Variants in RFX4 observed in about 807,000 individuals in gnomAD.
RFX4 encodes the protein regulatory factor X4.
Under a neutral mutation model 95.0 loss-of-function variants are expected in RFX4, and 10 were observed. The ratio of observed to expected loss-of-function variants is 0.11; its 90% CI spans 0.06 to 0.18. The LOEUF (loss-of-function observed/expected upper bound fraction) is 0.18, where lower values mean the gene tolerates loss of function less well. RFX4 is among the 10% of genes least tolerant of loss of function. RFX4 has a pLI of 1.00. For synonymous variants in RFX4, 321 were observed against 340.7 expected (o/e 0.94, Z 0.64); for missense variants, 640 against 922.0 (o/e 0.69, Z 3.96).
chr12:106,651,493 C>G (rs771538660), intron 3 of RFX4, among the ~76,000 whole-genome samples: 10 of 151,948 alleles, frequency 6.6e-5, no homozygotes, highest in Non-Finnish European at 1.2e-4. Context: ...TTCTATGAAA[C>G]TTTAATTATC....
At chr12:106,614,351 G>C (rs2040024592) in intron 2 of RFX4, among the ~76,000 whole-genome samples, 1 of 151,782 alleles carries the variant, frequency 6.6e-6, no homozygotes, top group Non-Finnish European at 1.5e-5. Flanking sequence ...AGTAGAGACT[G>C]GGTTTCGGCA....
Position 106,751,442 on chromosome 12 carries a change from G to C in RFX4, c.1935+649G>C, listed in dbSNP as rs926543470. ...AGCAGCATGATTTATAGTCCTTTGG[G>C]TGTATACCCAGTAATGGGATGGCTG... is the stretch of plus-strand genomic sequence containing the variant. On this transcript the variant is annotated intron_variant, in intron 17 of 17. Coordinates refer to ENST00000392842, the MANE Select transcript of RFX4 (RefSeq NM_213594.3). Among the ~76,000 whole-genome samples, 25 of 151,752 alleles carry C rather than the reference G, an allele frequency of 1.6e-4. 1 individual carries two copies. Among genetic ancestry groups the C allele is most frequent in the African/African-American group, 5.8e-4 (24 of 41,350 alleles).
intron 13 of RFX4, among the ~76,000 whole-genome samples, chr12:106,724,841 G>A (rs761454182): frequency 4.6e-5 from 7 of 151,938 alleles, no homozygotes; most frequent in Admixed American, 2.0e-4. Flanking sequence ...GTGAAACCCC[G>A]TCTCTACTAA....
chr12:106,650,971 C>T (rs150281013), intron 3 of RFX4, among the ~76,000 whole-genome samples: 3 of 152,222 alleles, frequency 2.0e-5, no homozygotes, highest in African/African-American at 7.2e-5. Flanking sequence ...TTCTTTCAGT[C>T]CTCCTGAGTA....
chr12:106,608,248 G>A (rs544425428), intron 1 of RFX4, among the ~76,000 whole-genome samples: 1 of 152,268 alleles, frequency 6.6e-6, no homozygotes, highest in Admixed American at 6.5e-5. Flanking sequence ...TTCTTCTCCT[G>A]CTGTGGCTTC....
At chr12:106,637,839 G>A (rs897930967) in intron 2 of RFX4, among the ~76,000 whole-genome samples, 4 of 152,050 alleles carry the variant, frequency 2.6e-5, no homozygotes, top group African/African-American at 9.7e-5. Context: ...GATACTTGTA[G>A]GGCTGCAAGT....
chr12:106,753,638 C>T (rs988258641), intron 17 of RFX4, among the ~76,000 whole-genome samples: 8 of 152,136 alleles, frequency 5.3e-5, no homozygotes, highest in African/African-American at 1.9e-4. Flanking sequence ...CCTTAGATAA[C>T]CCCTGCAGAA....
chr12:106,739,896 T>C (rs1295994268), intron 15 of RFX4, among the ~76,000 whole-genome samples: 1 of 152,194 alleles, frequency 6.6e-6, no homozygotes, highest in Non-Finnish European at 1.5e-5. Context: ...CTTGGGAGCA[T>C]GGCAGGCAGT....
chr12:106,761,440 G>A lies in RFX4; in HGVS notation c.2179G>A (p.Gly727Arg), dbSNP rs1368226798. The part of the protein sequence containing the change: ...QHFPGFAYIN[G>R]EASTGWAK ...CTTTCCTGGCTTTGCTTACATCAAC[G>A]GAGAGGCCTCTACAGGATGGGCTAA... is the stretch of plus-strand genomic sequence containing the variant. The change falls in exon 18 of 18, where the codon GGA (glycine) becomes AGA (arginine). Residue 727 changes from glycine to arginine, a missense_variant. Transcript: ENST00000392842. 1.9e-6 allele frequency: 3 copies of A among 1,613,926 alleles called. No homozygotes were observed. Among genetic ancestry groups the A allele is most frequent in the Non-Finnish European group, 2.5e-6 (3 of 1,179,960 alleles).
At chr12:106,670,703 G>C (rs2041264407) in intron 4 of RFX4, among the ~76,000 whole-genome samples, 1 of 152,092 alleles carries the variant, frequency 6.6e-6, no homozygotes, top group Non-Finnish European at 1.5e-5. Flanking sequence ...TTGTTGAGTA[G>C]GTAAGAGTTA....
intron 8 of RFX4, among the ~76,000 whole-genome samples, chr12:106,705,064 C>G (rs1449528197): frequency 6.6e-6 from 1 of 152,204 alleles, no homozygotes; most frequent in African/African-American, 2.4e-5. Flanking sequence ...TTACTCCTGG[C>G]TCTGCCACTT....
chr12:106,654,441 T>G, intron 4 of RFX4, 90 bp downstream of exon 4: 2 of 1,441,132 alleles, frequency 1.4e-6, no homozygotes, highest in Non-Finnish European at 1.8e-6. Context: ...TTATTTTTTT[T>G]AAGTTATCAA....
intron 4 of RFX4, among the ~76,000 whole-genome samples, chr12:106,665,404 C>T (rs956817146): frequency 1.4e-4 from 22 of 151,956 alleles, no homozygotes; most frequent in African/African-American, 4.8e-4. Flanking sequence ...TTCTTATAGA[C>T]AACATATAGT....
At chr12:106,754,572 T>C (rs1054269159) in intron 17 of RFX4, among the ~76,000 whole-genome samples, 1 of 152,148 alleles carries the variant, frequency 6.6e-6, no homozygotes, top group Admixed American at 6.5e-5. Flanking sequence ...TGGCAGGAGC[T>C]GGTTTTCTGG....
rs146476775 is a variant in RFX4, at chr12:106,722,187, A to G, written c.1351+1311A>G. On this transcript the variant is annotated intron_variant, in intron 13 of 17. Transcript: ENST00000392842. ...ACCTCTAGCTCTGGAAAAATCATTC[A>G]TGCAGAACTGTTTTCCCTTAAGTGA... 6.6e-5 allele frequency among the ~76,000 whole-genome samples: 10 copies of G among 152,386 alleles called. No homozygotes were observed. The East Asian group carries it at 1.5e-3, about 23-fold the overall frequency.
intron 1 of RFX4, among the ~76,000 whole-genome samples, chr12:106,602,835 C>T (rs1182010561): frequency 2.0e-5 from 3 of 152,190 alleles, no homozygotes; most frequent in Admixed American, 2.0e-4. Flanking sequence ...AGCATCGCTA[C>T]AGCTATGTGC....
At chr12:106,729,112 C>T (rs2042561040) in intron 13 of RFX4, among the ~76,000 whole-genome samples, 3 of 152,162 alleles carry the variant, frequency 2.0e-5, no homozygotes, top group Admixed American at 2.0e-4. Context: ...TCTTATAAAA[C>T]AAGAGAATGG....
intron 2 of RFX4, among the ~76,000 whole-genome samples, chr12:106,617,767 C>T (rs1160964459): frequency 1.3e-5 from 2 of 152,140 alleles, no homozygotes; most frequent in African/African-American, 4.8e-5. Context: ...CGCTCTGTCA[C>T]ACAGGCTGGA....
At chr12:106,750,547 A>G in intron 16 of RFX4, 108 bp from the exon 17 acceptor site, 1 of 1,123,124 alleles carries the variant, frequency 8.9e-7, no homozygotes, top group Non-Finnish European at 1.2e-6. Flanking sequence ...AAAAGAAAAG[A>G]GAAAAAAGAA....
Sources: gnomAD v4.1 joint callset for allele counts (sites outside exome capture counted in the v4.1 genomes callset) on GRCh38, gnomAD v4.1.1 for gene constraint, MANE v1.5 for transcripts, NCBI Gene and HGNC (gene_info 2026-07-23, HGNC 2026-07-21) for gene names.